Variants in NOP58 observed in about 807,000 individuals in gnomAD.
The protein encoded by NOP58 is NOP58 ribonucleoprotein.
NOP58 carries 44 observed loss-of-function variants against 71.2 expected under a neutral mutation model. The observed-to-expected ratio is 0.62, with a 90% CI of 0.49 to 0.79. The LOEUF is 0.79. Ranked by LOEUF, NOP58 falls within the 30% of genes least tolerant of loss-of-function variation. The probability of loss-of-function intolerance (pLI) is 0.00; values close to 1 mark genes in which losing one functional copy is unlikely to be tolerated. For missense variants in NOP58, 538 were observed against 620.2 expected, an observed-to-expected ratio of 0.87 and a Z score of 1.41; for synonymous variants, 228 against 200.3, an observed-to-expected ratio of 1.14 and a Z score of -1.17.
chr2:202,275,316 A>G (rs926177502), intron 2 of NOP58, 127 bp downstream of exon 2: 10 of 597,132 alleles, frequency 1.7e-5, no homozygotes, highest in Non-Finnish European at 2.4e-5. Context: ...TTCAGGAATA[A>G]TTTTGGTATG....
rs764788350 is a variant in NOP58, at chr2:202,284,347, A to G, written c.300A>G (p.Glu100=). The part of the protein sequence containing the change: ...ADAKLGGVIK[E]KLNLSCIHSP... ...TATAGATGTTCATGTTCTTGTAGGA[A>G]AAGCTGAATCTCAGTTGTATCCATA... is the stretch of plus-strand genomic sequence containing the variant. Residue 100 remains glutamate (E), a splice_region_variant and synonymous_variant, in exon 5 of 15, where the codon GAA becomes GAG. Coordinates refer to ENST00000264279, the MANE Select transcript of NOP58 (RefSeq NM_015934.5). The G allele has an allele frequency of 1.9e-6, 3 of 1,599,268 alleles. No homozygotes were observed. In the African/African-American group the frequency reaches 4.0e-5, roughly 22 times the overall value.
chr2:202,267,669 A>G (rs543857537), intron 1 of NOP58, among the ~76,000 whole-genome samples: 1 of 152,312 alleles, frequency 6.6e-6, no homozygotes, highest in South Asian at 2.1e-4. Context: ...TAATTGCCGT[A>G]GTATACTGTC....
intron 6 of NOP58, among the ~76,000 whole-genome samples, chr2:202,290,058 G>A (rs1470164814): frequency 6.6e-6 from 1 of 152,072 alleles, no homozygotes; most frequent in Non-Finnish European, 1.5e-5. Context: ...GTGTTCAAGT[G>A]ATTCTTCTGC....
At chr2:202,278,520 A>T (rs1372836842) in intron 3 of NOP58, among the ~76,000 whole-genome samples, 1 of 152,214 alleles carries the variant, frequency 6.6e-6, no homozygotes, top group Non-Finnish European at 1.5e-5. Context: ...TTTTTAAAAG[A>T]TTCAGAAGAA....
chr2:202,292,696 A>C, intron 8 of NOP58, 81 bp from the exon 9 acceptor site: 1 of 1,091,110 alleles, frequency 9.2e-7, no homozygotes, highest in Non-Finnish European at 1.4e-6. Context: ...TTCATAATTG[A>C]GGGCTCCAGT....
rs149937193 is a variant in NOP58, at chr2:202,275,188, A to T, written c.121A>T (p.Ile41Leu). ...TGAAACTCCAGAGAAAGCAAACAAA[A>T]TGTAAGTACTCTTGAAATCAATAAT... ...EFETPEKANK[I>L]VKLKHFEKFQ... Residue 41 changes from isoleucine (I) to leucine (L), a missense_variant and splice_region_variant, in exon 2 of 15, where the codon ATA becomes TTA. By Grantham distance (5) the Ile-to-Leu change is conservative (BLOSUM62 2). Transcript: ENST00000264279. 6.7e-7 allele frequency: 1 copy of T among 1,502,094 alleles called. No individual in the cohort carries two copies. The highest frequency in any genetic ancestry group is 1.2e-5 in the South Asian group (1 of 85,364). The allele number at this position is 1,502,094 out of a possible 1,614,324, so 93.0% of individuals were successfully genotyped here. A position where few individuals can be genotyped will look rare whatever the true frequency, so the allele number is the denominator to read the frequency against.
At chr2:202,269,763 A>C (rs561596725) in intron 1 of NOP58, among the ~76,000 whole-genome samples, 2 of 152,098 alleles carry the variant, frequency 1.3e-5, no homozygotes, top group East Asian at 1.9e-4. Context: ...AAAAGAAAAA[A>C]AGAAATTCCA....
intron 14 of NOP58, 37 bp from the exon 15 acceptor site, chr2:202,303,349 T>C (rs199912509): frequency 6.2e-7 from 1 of 1,608,734 alleles, no homozygotes; most frequent in East Asian, 2.2e-5. Flanking sequence ...CCATACAATT[T>C]CAGCTCTTTC....
intron 3 of NOP58, among the ~76,000 whole-genome samples, chr2:202,281,845 G>A (rs530180503): frequency 1.3e-5 from 2 of 152,300 alleles, no homozygotes; most frequent in East Asian, 3.9e-4. Flanking sequence ...AATAGAATAG[G>A]CAGCCTTTGC....
intron 3 of NOP58, among the ~76,000 whole-genome samples, chr2:202,280,603 A>T (rs1406881012): frequency 2.0e-5 from 3 of 151,728 alleles, no homozygotes; most frequent in Non-Finnish European, 4.4e-5. Flanking sequence ...AAGTGCTGGG[A>T]TTACAAGCAT....
At chr2:202,284,859 C>A (rs1490060137) in intron 5 of NOP58, 2 of 182,714 alleles carry the variant, frequency 1.1e-5, no homozygotes, top group African/African-American at 4.7e-5. Flanking sequence ...CTGCTATGGT[C>A]TTATGGGATA....
At chr2:202,271,374 G>C (rs1464143512) in intron 1 of NOP58, among the ~76,000 whole-genome samples, 4 of 149,678 alleles carry the variant, frequency 2.7e-5, no homozygotes, top group African/African-American at 9.8e-5. Context: ...TGGGCAACAG[G>C]GTGCAACCCC....
At chr2:202,270,395 A>G (rs1349282185) in intron 1 of NOP58, among the ~76,000 whole-genome samples, 3 of 152,230 alleles carry the variant, frequency 2.0e-5, no homozygotes, top group Non-Finnish European at 4.4e-5. Flanking sequence ...ACTAATTATC[A>G]GTTTTATCCT....
intron 12 of NOP58, 93 bp from the exon 13 acceptor site, chr2:202,300,137 TGTAA>T (rs1196364730): frequency 3.0e-5 from 31 of 1,019,766 alleles, no homozygotes; most frequent in Non-Finnish European, 4.3e-5. Flanking sequence ...TGTGTGCTTA[TGTAA>T]GTATTATCTA....
rs1396498891 is a variant in NOP58, at chr2:202,303,498, A to G, written c.*62A>G. The G allele has an allele frequency of 6.4e-7, 1 of 1,558,690 alleles. No individual in the cohort carries two copies. Among genetic ancestry groups the G allele is most frequent in the Non-Finnish European group, 8.7e-7 (1 of 1,151,348 alleles). On this transcript the variant is annotated 3_prime_UTR_variant, in exon 15 of 15. Transcript: ENST00000264279. ...TCATGCTTAAGATTCAACTGGGAGC[A>G]TACCAGGGATGCTCTCTAACGTAAT...
At position 202,282,558 on chromosome 2, in the gene NOP58, T is replaced by G. The variant is rs185149741; in HGVS notation, c.297+86T>G. On this transcript the variant is annotated intron_variant, in intron 4 of 14. Transcript: ENST00000264279. The stretch of plus-strand genomic sequence containing the variant: ...AAGCCTAGCCTTTGCAATAAGTTGC[T>G]TATCATAAATTCTCAATACATTTTT... 3.4e-3 allele frequency: 4,430 copies of G among 1,316,298 alleles called. 20 individuals are homozygous for G. Among genetic ancestry groups the G allele is most frequent in the South Asian group, 4.0e-3 (247 of 62,424 alleles). 81.5% of individuals were successfully genotyped at this position (1,316,298 alleles called of 1,614,324 possible).
chr2:202,278,369 C>G, intron 3 of NOP58: 4 of 455,614 alleles, frequency 8.8e-6, no homozygotes, highest in South Asian at 6.5e-5. Flanking sequence ...TCATTTTAAT[C>G]CAAGGGTAGA....
At chr2:202,274,945 A>G (rs1441940103) in intron 1 of NOP58, among the ~76,000 whole-genome samples, 168 bp from the exon 2 acceptor site, 1 of 152,206 alleles carries the variant, frequency 6.6e-6, no homozygotes, top group African/African-American at 2.4e-5. Flanking sequence ...AATTCGAACT[A>G]GTAATTTGAC....
chr2:202,298,515 G>T (rs1195394736), intron 12 of NOP58, among the ~76,000 whole-genome samples: 1 of 152,046 alleles, frequency 6.6e-6, no homozygotes, highest in African/African-American at 2.4e-5. Flanking sequence ...AACTGGGTGT[G>T]GTGGCGGGCA....
Sources: allele counts gnomAD v4.1 joint callset (sites outside exome capture counted in the v4.1 genomes callset), GRCh38; gene constraint gnomAD v4.1.1; transcripts MANE v1.5; gene names NCBI Gene and HGNC (gene_info 2026-07-23, HGNC 2026-07-21).